The following GTF2A1L variants were observed in gnomAD, a reference collection of about 807,000 sequenced individuals.
The protein encoded by GTF2A1L is TFIIA-alpha and beta-like factor.
GTF2A1L carries 48 observed loss-of-function variants against 49.7 expected under a neutral mutation model. The observed-to-expected ratio is 0.97, with a 90% CI of 0.77 to 1.23. GTF2A1L has a LOEUF of 1.23. Among genes scored for constraint, GTF2A1L ranks in the 50% most tolerant of loss-of-function variants. GTF2A1L has a pLI of 0.00. For synonymous variants in GTF2A1L, 246 were observed against 193.5 expected (o/e 1.27, Z -2.25); for missense variants, 736 against 564.8 (o/e 1.30, Z -3.07).
At chr2:48,673,064 G>A (rs1558775655) in intron 8 of GTF2A1L, among the ~76,000 whole-genome samples, 1 of 151,996 alleles carries the variant, frequency 6.6e-6, no homozygotes, top group Non-Finnish European at 1.5e-5. Flanking sequence ...TTTTGTTACT[G>A]GCTTCTTTCA....
In GTF2A1L at chr2:48,671,619, G is replaced by A; in HGVS notation, c.1268G>A (p.Ser423Asn). Residue 423 changes from serine to asparagine, a missense_variant, in exon 8 of 9, where the codon AGT becomes AAT. Physicochemically the swap from Ser to Asn is conservative, Grantham distance 46. Coordinates refer to ENST00000403751, the MANE Select transcript of GTF2A1L (RefSeq NM_006872.5). ...CCTTTAAATTCTGGAGATGATGTTA[G>A]TGAACAGGATGTGCCAGACCTGTTT... ...EDPLNSGDDV[S>N]EQDVPDLFDT... 6.2e-7 allele frequency: 1 copy of A among 1,613,486 alleles called. No homozygotes were observed.
intron 3 of GTF2A1L, among the ~76,000 whole-genome samples, chr2:48,634,456 G>T (rs1676773060): frequency 6.6e-6 from 1 of 152,130 alleles, no homozygotes; most frequent in African/African-American, 2.4e-5. Context: ...TTAGCTGGTT[G>T]CTTTGTAGTT....
At chr2:48,677,925 T>C (rs367738330) in intron 8 of GTF2A1L, among the ~76,000 whole-genome samples, 17 of 151,502 alleles carry the variant, frequency 1.1e-4, no homozygotes, top group African/African-American at 4.1e-4. Context: ...ATGGGGAAGA[T>C]TGTGAGGTTT....
Position 48,668,837 on chromosome 2 carries a change from A to AAAATAAATAAATAAATAAAT in GTF2A1L, c.979-875_979-856dup, listed in dbSNP as rs10529379. 3.5e-3 allele frequency among the ~76,000 whole-genome samples: 530 copies of AAAATAAATAAATAAATAAAT among 150,440 alleles called. 4 individuals are homozygous for AAAATAAATAAATAAATAAAT. The highest frequency in any genetic ancestry group is 0.012 in the African/African-American group (499 of 40,554). ...GCGACAGAGCGAGACCCCGCCTCAA[A>AAAATAAATAAATAAATAAAT]AAATAAATAAATAAATAAATAAATA... On this transcript the variant is annotated intron_variant, in intron 6 of 8. Transcript: ENST00000403751.
intron 3 of GTF2A1L, among the ~76,000 whole-genome samples, chr2:48,638,093 C>T (rs779742434): frequency 6.6e-6 from 1 of 152,020 alleles, no homozygotes; most frequent in Admixed American, 6.6e-5. Context: ...AATAAATAGC[C>T]TACCAACCAA....
intron 8 of GTF2A1L, among the ~76,000 whole-genome samples, chr2:48,674,080 G>A (rs1338285431): frequency 1.3e-5 from 2 of 152,072 alleles, no homozygotes; most frequent in African/African-American, 2.4e-5. Flanking sequence ...GAACATTTGG[G>A]TACAGGTTTT....
At chr2:48,631,415 G>A (rs1489066364) in intron 3 of GTF2A1L, among the ~76,000 whole-genome samples, 1 of 152,060 alleles carries the variant, frequency 6.6e-6, no homozygotes, top group Non-Finnish European at 1.5e-5. Flanking sequence ...TGTATGTAGA[G>A]GTATTCTAAT....
At chr2:48,664,839 T>A (rs1572764806) in intron 6 of GTF2A1L, among the ~76,000 whole-genome samples, 2 of 152,180 alleles carry the variant, frequency 1.3e-5, no homozygotes, top group East Asian at 3.8e-4. Flanking sequence ...CTTCTTTAAT[T>A]CTTAATACTG....
chr2:48,669,575 T>C (rs1482811956), intron 6 of GTF2A1L, 147 bp from the exon 7 acceptor site: 4 of 981,960 alleles, frequency 4.1e-6, no homozygotes, highest in Non-Finnish European at 5.6e-6. Flanking sequence ...AGGCTTATTC[T>C]AAAATTCAAA....
At chr2:48,669,596 A>T in intron 6 of GTF2A1L, 126 bp from the exon 7 acceptor site, 1 of 1,134,508 alleles carries the variant, frequency 8.8e-7, no homozygotes, top group Non-Finnish European at 1.2e-6. Context: ...GTTAGATTTT[A>T]ATGTCATAAG....
intron 8 of GTF2A1L, among the ~76,000 whole-genome samples, chr2:48,672,954 T>C (rs1449980452): frequency 6.6e-6 from 1 of 152,208 alleles, no homozygotes; most frequent in Non-Finnish European, 1.5e-5. Context: ...TTTTCCCTAC[T>C]CCAAGCCTGT....
chr2:48,656,242 A>G (rs530936494), intron 6 of GTF2A1L, among the ~76,000 whole-genome samples: 1 of 151,542 alleles, frequency 6.6e-6, no homozygotes, highest in African/African-American at 2.4e-5. Flanking sequence ...TTTTAATCTT[A>G]TTAGGAACTG....
intron 3 of GTF2A1L, among the ~76,000 whole-genome samples, chr2:48,629,153 A>G (rs1415495661): frequency 7.0e-6 from 1 of 142,656 alleles, no homozygotes; most frequent in Non-Finnish European, 1.6e-5. Context: ...AGGCAGGAGA[A>G]TTGCTTGAAC....
Position 48,669,712 on chromosome 2 carries a change from C to T in GTF2A1L, c.979-10C>T. On this transcript the variant is annotated splice_polypyrimidine_tract_variant and intron_variant, in intron 6 of 8. Coordinates refer to ENST00000403751, the MANE Select transcript of GTF2A1L (RefSeq NM_006872.5). ...GACTTGAACTTTATTGTATTTCTTT[C>T]TCTTTTTAGGATTCTAATTCTCAGG... is the stretch of plus-strand genomic sequence containing the variant. The T allele has an allele frequency of 6.3e-7, 1 of 1,593,390 alleles. No homozygotes were observed. Among genetic ancestry groups the T allele is most frequent in the Non-Finnish European group, 8.6e-7 (1 of 1,168,684 alleles).
chr2:48,630,655 A>G (rs1199156290), intron 3 of GTF2A1L, among the ~76,000 whole-genome samples: 1 of 143,018 alleles, frequency 7.0e-6, no homozygotes, highest in Admixed American at 7.1e-5. Flanking sequence ...ATTGAATAGG[A>G]GTGGTGAGAT....
chr2:48,623,129 C>T (rs1676102840), intron 3 of GTF2A1L, among the ~76,000 whole-genome samples: 1 of 151,996 alleles, frequency 6.6e-6, no homozygotes, highest in Admixed American at 6.6e-5. Context: ...AGGCTTGTTC[C>T]TGTCTCTCTT....
At chr2:48,620,115 A>G (rs1675898350) in intron 1 of GTF2A1L, among the ~76,000 whole-genome samples, 1 of 152,156 alleles carries the variant, frequency 6.6e-6, no homozygotes, top group African/African-American at 2.4e-5. Context: ...AATATAGTGA[A>G]CCCTAAAAAA....
intron 6 of GTF2A1L, among the ~76,000 whole-genome samples, chr2:48,651,162 G>A (rs148424171): frequency 2.5e-3 from 382 of 152,168 alleles, no homozygotes; most frequent in Non-Finnish European, 4.6e-3. Flanking sequence ...AGACACCTTG[G>A]TTAAGCTGAG....
At chr2:48,647,876 A>T (rs1677614949) in intron 6 of GTF2A1L, among the ~76,000 whole-genome samples, 1 of 152,156 alleles carries the variant, frequency 6.6e-6, no homozygotes. Flanking sequence ...CAAATATAAA[A>T]TACATCTTGT....
Sources: allele counts gnomAD v4.1 joint callset (sites outside exome capture counted in the v4.1 genomes callset), GRCh38; gene constraint gnomAD v4.1.1; transcripts MANE v1.5; gene names NCBI Gene and HGNC (gene_info 2026-07-23, HGNC 2026-07-21).